Variants in DHRS4 observed in about 807,000 individuals in gnomAD.
DHRS4 encodes dehydrogenase/reductase 4, also known as dehydrogenase/reductase SDR family member 4.
Under a neutral mutation model 28.4 loss-of-function variants are expected in DHRS4, and 20 were observed. The observed-to-expected ratio is 0.71, with a 90% CI of 0.50 to 1.02. DHRS4 has a LOEUF of 1.02. Among genes scored for constraint, DHRS4 ranks in the 50% least tolerant of loss-of-function variants. The probability of loss-of-function intolerance (pLI) is 0.00; values close to 1 mark genes in which losing one functional copy is unlikely to be tolerated. For missense variants in DHRS4, 378 were observed against 367.2 expected (o/e 1.03, Z -0.24); for synonymous variants, 144 against 146.4 (o/e 0.98, Z 0.12).
At position 23,957,438 on chromosome 14, in the gene DHRS4, C is replaced by G. The variant is rs575718978; in HGVS notation, c.306+2226C>G. ...TGTAAGTGGAAACCAGAGTAGCTGC[C>G]TATCTCCTTGATTATATTTTTTCTT... is the stretch of plus-strand genomic sequence containing the variant. On this transcript the variant is annotated intron_variant, in intron 2 of 7. Coordinates refer to ENST00000313250, the MANE Select transcript of DHRS4 (RefSeq NM_021004.4). Among the ~76,000 whole-genome samples, 75 of 152,090 alleles carry G rather than the reference C, an allele frequency of 4.9e-4. 1 individual carries two copies. Among genetic ancestry groups the G allele is most frequent in the Admixed American group, 2.1e-3 (32 of 15,222 alleles).
At chr14:23,959,772 G>A (rs533263534) in intron 2 of DHRS4, 130 bp from the exon 3 acceptor site, 35 of 1,097,230 alleles carry the variant, frequency 3.2e-5, no homozygotes, top group African/African-American at 3.1e-4. Context: ...TCCCACCTTG[G>A]CCTCCCAAAG....
chr14:23,968,668 G>C, intron 7 of DHRS4, 89 bp from the exon 8 acceptor site: 2 of 1,554,948 alleles, frequency 1.3e-6, no homozygotes, highest in South Asian at 1.2e-5. Context: ...GATAATTCTT[G>C]ATTAAGCAAA....
At chr14:23,959,207 G>A (rs572173848) in intron 2 of DHRS4, among the ~76,000 whole-genome samples, 1 of 152,186 alleles carries the variant, frequency 6.6e-6, no homozygotes, top group Non-Finnish European at 1.5e-5. Flanking sequence ...CAAAGGGGAA[G>A]TGTAAAGAAA....
intron 6 of DHRS4, 148 bp downstream of exon 6, chr14:23,966,565 G>T: frequency 7.4e-7 from 1 of 1,346,788 alleles, no homozygotes; most frequent in Non-Finnish European, 1.0e-6. Context: ...TGTACCACCT[G>T]CCCTATACAA....
At chr14:23,962,555 T>G (rs546967221) in intron 3 of DHRS4, among the ~76,000 whole-genome samples, 11 of 152,006 alleles carry the variant, frequency 7.2e-5, no homozygotes, top group Middle Eastern at 3.4e-3. Flanking sequence ...TATCGTGAGA[T>G]TGTAGCAATT....
rs188682789 is a variant in DHRS4, at chr14:23,957,176, G to A, written c.306+1964G>A. 3.6e-3 allele frequency among the ~76,000 whole-genome samples: 551 copies of A among 152,264 alleles called. 2 individuals carry two copies. Among genetic ancestry groups the A allele is most frequent in the African/African-American group, 0.013 (523 of 41,546 alleles). Reference sequence around the variant, plus strand: ...TGCCCAAGAGACATTCAGTGGAAACGAACCAAGATTTTCCAACCCCATGTC... The same window carrying A: ...TGCCCAAGAGACATTCAGTGGAAACAAACCAAGATTTTCCAACCCCATGTC... On this transcript the variant is annotated intron_variant, in intron 2 of 7. Coordinates refer to ENST00000313250, the MANE Select transcript of DHRS4 (RefSeq NM_021004.4).
intron 6 of DHRS4, 59 bp downstream of exon 6, chr14:23,966,476 G>A (rs1472926821): frequency 8.1e-6 from 13 of 1,604,222 alleles, no homozygotes; most frequent in Non-Finnish European, 1.0e-5. Context: ...CATCTTCTTG[G>A]ACAGGGAAGC....
At chr14:23,957,237 C>G (rs147987803) in intron 2 of DHRS4, among the ~76,000 whole-genome samples, 1,637 of 152,258 alleles carry the variant, frequency 0.011, 25 homozygotes, top group African/African-American at 0.037. Flanking sequence ...AAATGACTCT[C>G]AAGTAGTTTG....
chr14:23,968,963 C>G lies in DHRS4; in HGVS notation c.*92C>G. Reference sequence around the variant, plus strand: ...ACTGGCCTTTCCCACCTCTGCTCACCTTACTGTTCACCTCATCAAATCAGT... The same window carrying G: ...ACTGGCCTTTCCCACCTCTGCTCACGTTACTGTTCACCTCATCAAATCAGT... On this transcript the variant is annotated 3_prime_UTR_variant, in exon 8 of 8. Coordinates refer to ENST00000313250, the MANE Select transcript of DHRS4 (RefSeq NM_021004.4). 1 of 1,509,912 alleles carries G rather than the reference C, an allele frequency of 6.6e-7. No homozygotes were observed. Among genetic ancestry groups the G allele is most frequent in the East Asian group, 2.4e-5 (1 of 41,362 alleles). 93.5% of individuals were successfully genotyped at this position (1,509,912 alleles called of 1,614,324 possible).
intron 1 of DHRS4, 34 bp downstream of exon 1, chr14:23,953,950 G>A: frequency 6.4e-7 from 1 of 1,556,826 alleles, no homozygotes; most frequent in Middle Eastern, 2.2e-4. Flanking sequence ...TGAGGCCCTG[G>A]CTGCCTGGAA....
chr14:23,958,237 C>A (rs2138440615), intron 2 of DHRS4, among the ~76,000 whole-genome samples: 2 of 152,230 alleles, frequency 1.3e-5, no homozygotes. Flanking sequence ...ATTCCTTCAA[C>A]TGTCTAGAAA....
At chr14:23,961,956 A>G (rs2033432504) in intron 3 of DHRS4, among the ~76,000 whole-genome samples, 1 of 135,810 alleles carries the variant, frequency 7.4e-6, no homozygotes, top group Admixed American at 7.5e-5. Flanking sequence ...AATAAAGTGA[A>G]TATTATAATA....
chr14:23,959,818 C>T (rs973441358), intron 2 of DHRS4, 84 bp from the exon 3 acceptor site: 9 of 1,509,656 alleles, frequency 6.0e-6, no homozygotes, highest in Admixed American at 1.7e-5. Context: ...AGCTCCTTGC[C>T]CAGAAGGAAG....
chr14:23,966,526 C>G, intron 6 of DHRS4, 109 bp downstream of exon 6: 1 of 1,531,282 alleles, frequency 6.5e-7, no homozygotes, highest in South Asian at 1.3e-5. Context: ...CTCCATTCTC[C>G]TTCCCTGGAC....
At chr14:23,958,567 A>C (rs2033269164) in intron 2 of DHRS4, among the ~76,000 whole-genome samples, 1 of 152,224 alleles carries the variant, frequency 6.6e-6, no homozygotes, top group African/African-American at 2.4e-5. Context: ...TTCTCAATTT[A>C]AATTTCAGTT....
intron 7 of DHRS4, 168 bp downstream of exon 7, chr14:23,967,434 A>C (rs2138482373): frequency 8.6e-7 from 1 of 1,161,770 alleles, no homozygotes. Flanking sequence ...CCTGAGCAAG[A>C]AGTCAGCTTC....
chr14:23,959,824 G>A lies in DHRS4; in HGVS notation c.307-78G>A. On this transcript the variant is annotated intron_variant, in intron 2 of 7. Coordinates refer to ENST00000313250, the MANE Select transcript of DHRS4 (RefSeq NM_021004.4). ...ATGAGCCACAGCTCCTTGCCCAGAAGGAAGTTTTTATCAACATGGGTAAAT... is the reference window on the plus strand; with the variant it reads ...ATGAGCCACAGCTCCTTGCCCAGAAAGAAGTTTTTATCAACATGGGTAAAT... The A allele has an allele frequency of 2.0e-6, 3 of 1,536,932 alleles. No homozygotes were observed. The South Asian group carries it at 3.4e-5, about 17-fold the overall frequency.
In DHRS4 at chr14:23,968,906, T is replaced by C. The variant is rs1370896138; in HGVS notation, c.*35T>C. 1.9e-6 allele frequency: 3 copies of C among 1,605,470 alleles called. No homozygotes were observed. Among genetic ancestry groups the C allele is most frequent in the African/African-American group, 2.7e-5 (2 of 74,724 alleles). On this transcript the variant is annotated 3_prime_UTR_variant, in exon 8 of 8. Coordinates refer to ENST00000313250, the MANE Select transcript of DHRS4 (RefSeq NM_021004.4). ...GACAGCCCACAGGCCAGAGTTGGGC[T>C]CTAGCTCCTGGTGCTGTTCCCGCAT...
In DHRS4 at chr14:23,955,052, C is replaced by T. The variant is rs746397493; in HGVS notation, c.146C>T (p.Ala49Val). The stretch of plus-strand genomic sequence containing the variant: ...GCTCACAGGATCGGCTTCGCCATCG[C>T]CCGGCGTTTGGCCCAGGACGGGGCC... ...ASTDGIGFAI[A>V]RRLAQDGAHV... is the part of the protein sequence containing the mutation. Residue 49 changes from alanine (A) to valine (V), a missense_variant, in exon 2 of 8, where the codon GCC (alanine) becomes GTC (valine). By Grantham distance (64) the Ala-to-Val change is moderately conservative. Coordinates refer to ENST00000313250, the MANE Select transcript of DHRS4 (RefSeq NM_021004.4). 6.8e-6 allele frequency: 11 copies of T among 1,614,060 alleles called. No homozygotes were observed. The highest frequency in any genetic ancestry group is 1.3e-5 in the African/African-American group (1 of 74,952).
Sources: allele counts gnomAD v4.1 joint callset (sites outside exome capture counted in the v4.1 genomes callset), GRCh38; gene constraint gnomAD v4.1.1; transcripts MANE v1.5; gene names NCBI Gene and HGNC (gene_info 2026-07-23, HGNC 2026-07-21).